GIT2: variants seen among roughly 807,000 people sequenced by gnomAD.
GIT2 encodes the protein ARF GTPase-activating protein GIT2.
Under a neutral mutation model 100.3 loss-of-function variants are expected in GIT2, and 32 were observed. The ratio of observed to expected loss-of-function variants is 0.32; its 90% CI spans 0.24 to 0.43. The LOEUF is 0.43. Ranked by LOEUF, GIT2 falls within the 20% of genes least tolerant of loss-of-function variation. GIT2 has a pLI of 1.00. For synonymous variants in GIT2, 353 were observed against 364.1 expected (o/e 0.97, Z 0.35); for missense variants, 737 against 975.1 (o/e 0.76, Z 3.25).
In GIT2 at chr12:109,938,556, C is replaced by G; in HGVS notation, c.1827G>C (p.Lys609Asn). The G allele has an allele frequency of 6.3e-7, 1 of 1,596,838 alleles. No individual in the cohort carries two copies. Among genetic ancestry groups the G allele is most frequent in the South Asian group, 1.1e-5 (1 of 88,478 alleles). ...GCCACACCATACTTCTTTGCCGTCC[C>G]TTTCGGCTTGACCTGTGAACATTAA... is the stretch of plus-strand genomic sequence containing the variant. ...MEPDGMGSSRKGRQRSMVWPG... is the reference protein window; with the variant it reads ...MEPDGMGSSRNGRQRSMVWPG... Residue 609 changes from lysine (K) to asparagine (N), a missense_variant, in exon 18 of 20, where the codon AAG becomes AAC. Lys to Asn is a moderately conservative substitution (Grantham distance 94). Transcript: ENST00000355312.
intron 4 of GIT2, among the ~76,000 whole-genome samples, chr12:109,984,399 G>A (rs1886936306): frequency 6.6e-6 from 1 of 151,702 alleles, no homozygotes; most frequent in Non-Finnish European, 1.5e-5. Flanking sequence ...GTGACAGAGC[G>A]AGACCCTGTC....
intron 8 of GIT2, among the ~76,000 whole-genome samples, chr12:109,966,868 G>A (rs1193582281): frequency 6.6e-6 from 1 of 152,086 alleles, no homozygotes; most frequent in Admixed American, 6.6e-5. Context: ...CCTTCTTTTT[G>A]TTCAGTTGAG....
At chr12:109,981,689 T>C (rs1886348769) in intron 6 of GIT2, 1 of 152,342 alleles carries the variant, frequency 6.6e-6, no homozygotes, top group Non-Finnish European at 1.5e-5. Flanking sequence ...AATAAATACT[T>C]AGGCTGCTTA....
In GIT2 at chr12:109,941,139, G is replaced by T. The variant is rs146002692; in HGVS notation, c.1732-1892C>A. Among the ~76,000 whole-genome samples the T allele has an allele frequency of 4.7e-3, 722 of 152,238 alleles. 8 individuals are homozygous for T. Among genetic ancestry groups the T allele is most frequent in the African/African-American group, 0.017 (697 of 41,552 alleles). On this transcript the variant is annotated intron_variant, in intron 16 of 19. Coordinates refer to ENST00000355312, the MANE Select transcript of GIT2 (RefSeq NM_057169.5). ...TCCACACCTCCACGCATGCTGTTTA[G>T]TTCCCAGCTGCTCAAATACAAGACA...
rs1882746534 is a variant in GIT2, at chr12:109,967,316, C to A, written c.764+142G>T. On this transcript the variant is annotated intron_variant, in intron 8 of 19. Transcript: ENST00000355312. ...GTTTTATATAGTGGTTTACTTACAG[C>A]CGTCTTATTTCCAAATGGTATAGCC... 3.1e-6 allele frequency: 5 copies of A among 1,596,710 alleles called. No individual in the cohort carries two copies. In the East Asian group the frequency reaches 1.1e-4, roughly 36 times the overall value.
At chr12:109,938,065 A>G (rs1873536889) in intron 18 of GIT2, among the ~76,000 whole-genome samples, 1 of 152,224 alleles carries the variant, frequency 6.6e-6, no homozygotes, top group East Asian at 1.9e-4. Flanking sequence ...CATGGCCAGA[A>G]GCGAGGTGTA....
intron 2 of GIT2, among the ~76,000 whole-genome samples, chr12:109,991,118 T>C (rs1474262018): frequency 6.6e-6 from 1 of 152,168 alleles, no homozygotes; most frequent in Admixed American, 6.6e-5. Flanking sequence ...GAGACCAGCC[T>C]GGCCAACATG....
chr12:109,979,474 C>A (rs1304207053), intron 7 of GIT2, among the ~76,000 whole-genome samples: 3 of 151,982 alleles, frequency 2.0e-5, no homozygotes, highest in Non-Finnish European at 4.4e-5. Context: ...AGGGTTTCAC[C>A]ATGTTGGCCA....
rs1177950289 is a variant in GIT2 at position 109,931,244 on chromosome 12, T to G, written c.*1734A>C. ...TCTTCACATGTGTGAATGACTGCTA[T>G]GGGACAGAACATATGGTTAAAAACA... On this transcript the variant is annotated 3_prime_UTR_variant, in exon 20 of 20. Coordinates refer to ENST00000355312, the MANE Select transcript of GIT2 (RefSeq NM_057169.5). 1 of 152,266 alleles carries G rather than the reference T, an allele frequency of 6.6e-6. No homozygotes were observed. Among genetic ancestry groups the G allele is most frequent in the Admixed American group, 6.5e-5 (1 of 15,282 alleles). The allele number at this position is 152,266 out of a possible 1,614,324, so 9.4% of individuals were successfully genotyped here.
chr12:109,939,130 G>GC (rs1330782490), intron 17 of GIT2, 35 bp downstream of exon 17: 3 of 1,339,254 alleles, frequency 2.2e-6, no homozygotes, highest in Non-Finnish European at 3.2e-6. Context: ...GCCCTGGGGA[G>GC]CCCCTCCCCT....
intron 7 of GIT2, among the ~76,000 whole-genome samples, chr12:109,972,072 C>A (rs1593083914): frequency 1.3e-5 from 2 of 152,134 alleles, no homozygotes; most frequent in South Asian, 4.1e-4. Flanking sequence ...TTGTTTAACT[C>A]AAGGTTCTGG....
At chr12:109,994,785 G>A (rs929927498) in intron 1 of GIT2, among the ~76,000 whole-genome samples, 1 of 152,074 alleles carries the variant, frequency 6.6e-6, no homozygotes, top group Non-Finnish European at 1.5e-5. Context: ...AATACATCAC[G>A]GTAAGTTCAA....
chr12:109,936,469 C>A (rs1407837128), intron 18 of GIT2, among the ~76,000 whole-genome samples: 1 of 152,158 alleles, frequency 6.6e-6, no homozygotes, highest in Non-Finnish European at 1.5e-5. Flanking sequence ...GAAATACAAG[C>A]ACAGCACTTC....
intron 12 of GIT2, chr12:109,954,367 AAAG>A (rs932935575): frequency 1.3e-5 from 2 of 152,248 alleles, no homozygotes; most frequent in Non-Finnish European, 2.9e-5. Flanking sequence ...AGAAAGAGAT[AAAG>A]GAGAATGAAT....
intron 12 of GIT2, chr12:109,953,436 C>A (rs1878474601): frequency 3.6e-6 from 2 of 553,522 alleles, no homozygotes; most frequent in South Asian, 4.4e-5. Context: ...CTAGGCAACA[C>A]AATGAGACTC....
At chr12:109,941,326 T>C (rs1874619675) in intron 16 of GIT2, among the ~76,000 whole-genome samples, 2 of 152,216 alleles carry the variant, frequency 1.3e-5, no homozygotes, top group African/African-American at 4.8e-5. Flanking sequence ...TTATATCTCC[T>C]ATCAATAAGT....
At chr12:109,943,595 A>G (rs1192665291) in intron 16 of GIT2, among the ~76,000 whole-genome samples, 2 of 152,130 alleles carry the variant, frequency 1.3e-5, no homozygotes, top group Non-Finnish European at 2.9e-5. Context: ...TGGCCTTCCA[A>G]AGTGCTGGGA....
At chr12:109,941,485 C>T (rs879752170) in intron 16 of GIT2, among the ~76,000 whole-genome samples, 1 of 151,980 alleles carries the variant, frequency 6.6e-6, no homozygotes, top group Non-Finnish European at 1.5e-5. Context: ...AGAAGAAAAA[C>T]CCAAAACCCT....
intron 6 of GIT2, 86 bp from the exon 7 acceptor site, chr12:109,981,132 T>A: frequency 2.3e-6 from 2 of 865,776 alleles, no homozygotes; most frequent in South Asian, 1.3e-5. Flanking sequence ...CTGAGACACC[T>A]GAGCAGTTTA....
Sources: allele counts gnomAD v4.1 joint callset (sites outside exome capture counted in the v4.1 genomes callset), GRCh38; gene constraint gnomAD v4.1.1; transcripts MANE v1.5; gene names NCBI Gene and HGNC (gene_info 2026-07-23, HGNC 2026-07-21).